Variants in FLNB observed in about 807,000 individuals in gnomAD.
FLNB encodes filamin B, also known as filamin-B.
Under a neutral mutation model 250.6 loss-of-function variants are expected in FLNB, and 111 were observed. That is an observed-to-expected ratio of 0.44 (90% confidence interval 0.38 to 0.52). FLNB has a LOEUF of 0.52. Ranked by LOEUF, FLNB falls within the 20% of genes least tolerant of loss-of-function variation. The pLI, the probability that FLNB is intolerant of heterozygous loss-of-function variation, is 0.00. For missense variants in FLNB, 2,869 were observed against 3,447.8 expected, an observed-to-expected ratio of 0.83 and a Z score of 4.20; for synonymous variants, 1,302 against 1,372.1, an observed-to-expected ratio of 0.95 and a Z score of 1.13.
chr3:58,076,964 A>C, intron 1 of FLNB, 82 bp from the exon 2 acceptor site: 1 of 1,451,584 alleles, frequency 6.9e-7, no homozygotes, highest in South Asian at 1.1e-5. Context: ...ATAGTTGAAG[A>C]CTCCATTTAC....
intron 21 of FLNB, 112 bp from the exon 22 acceptor site, chr3:58,124,220 A>C: frequency 9.2e-7 from 1 of 1,089,082 alleles, no homozygotes; most frequent in Non-Finnish European, 1.4e-6. Flanking sequence ...CCAGTTTTCC[A>C]GTTACTGAAA....
At chr3:58,145,773 G>T in intron 32 of FLNB, 148 bp from the exon 33 acceptor site, 1 of 878,160 alleles carries the variant, frequency 1.1e-6, no homozygotes, top group Non-Finnish European at 2.0e-6. Flanking sequence ...GGGATGGGAG[G>T]TGCATGTGCA....
chr3:58,097,829 T>C lies in FLNB; in HGVS notation c.999T>C (p.Phe333=). 1 of 1,614,118 alleles carries C rather than the reference T, an allele frequency of 6.2e-7. No individual in the cohort carries two copies. The highest frequency in any genetic ancestry group is 1.1e-5 in the South Asian group (1 of 91,072). The change falls in exon 7 of 46, where the codon TTT becomes TTC. Residue 333 remains phenylalanine, a synonymous_variant. Coordinates refer to ENST00000295956, the MANE Select transcript of FLNB (RefSeq NM_001457.4). ...GTCACCTATAGGTCACAGTCCTCTT[T>C]GCAGGACAGCACATCTCCAAGAGCC... The part of the protein sequence containing the change: ...VTGLHKVTVL[F]AGQHISKSPF...
intron 1 of FLNB, among the ~76,000 whole-genome samples, chr3:58,024,804 C>T (rs2097120827): frequency 6.7e-6 from 1 of 148,556 alleles, no homozygotes; most frequent in Non-Finnish European, 1.5e-5. Flanking sequence ...ACCTCCATCT[C>T]CCAGGTTCAA....
At chr3:58,116,023 A>T (rs760707121) in intron 18 of FLNB, among the ~76,000 whole-genome samples, 1 of 151,966 alleles carries the variant, frequency 6.6e-6, no homozygotes, top group Non-Finnish European at 1.5e-5. Flanking sequence ...GCCTGGCCCT[A>T]TAAGTGCTCT....
In FLNB at chr3:58,126,606, G is replaced by A. The variant is rs764743602; in HGVS notation, c.4066G>A (p.Ala1356Thr). ...TTTCTTTTCCACTCTTTCCAGAGGCGCAGGAATTGGTGGGCTTGGCATAAC... is the reference window on the plus strand; with the variant it reads ...TTTCTTTTCCACTCTTTCCAGAGGCACAGGAATTGGTGGGCTTGGCATAAC... The part of the protein sequence containing the change: ...PNVFTVVTRG[A>T]GIGGLGITVE... The change falls in exon 24 of 46, where the codon GCA becomes ACA. Residue 1356 changes from alanine to threonine, a missense_variant. Ala to Thr is a moderately conservative substitution (Grantham distance 58). Transcript: ENST00000295956. 83 of 1,613,692 alleles carry A rather than the reference G, an allele frequency of 5.1e-5. No homozygotes were observed. Among genetic ancestry groups the A allele is most frequent in the South Asian group, 6.6e-5 (6 of 91,072 alleles).
At position 58,138,623 on chromosome 3, in the gene FLNB, T is replaced by G. The variant is rs568371496; in HGVS notation, c.5109+94T>G. The stretch of plus-strand genomic sequence containing the variant: ...CCCTGACTAGGATATCCTCTTCACC[T>G]TTTTTTTCCTTTGGAAAAAAATTTG... On this transcript the variant is annotated intron_variant, in intron 29 of 45. Transcript: ENST00000295956. 5.4e-6 allele frequency: 8 copies of G among 1,478,100 alleles called. No individual in the cohort carries two copies. In the East Asian group the frequency reaches 1.1e-4, roughly 21 times the overall value. The allele number at this position is 1,478,100 out of a possible 1,614,324, so 91.6% of individuals were successfully genotyped here. A position where few individuals can be genotyped will look rare whatever the true frequency, so the allele number is the denominator to read the frequency against.
In FLNB at chr3:58,145,949, C is replaced by T. The variant is rs1064796797; in HGVS notation, c.5454C>T (p.Tyr1818=). The change falls in exon 33 of 46, where the codon TAC becomes TAT. Residue 1818 remains tyrosine, a synonymous_variant. Coordinates refer to ENST00000295956, the MANE Select transcript of FLNB (RefSeq NM_001457.4). ...PESPLQFYVN[Y]PNSGSVSAYG... Reference sequence around the variant, plus strand: ...GCCCACTCCAGTTCTACGTGAACTACCCCAACAGTGGAAGTGTTTCTGCAT... The same window carrying T: ...GCCCACTCCAGTTCTACGTGAACTATCCCAACAGTGGAAGTGTTTCTGCAT... 5 of 1,614,078 alleles carry T rather than the reference C, an allele frequency of 3.1e-6. No individual in the cohort carries two copies. The highest frequency in any genetic ancestry group is 4.2e-6 in the Non-Finnish European group (5 of 1,180,026).
chr3:58,152,663 A>C (rs1440812881), intron 38 of FLNB: 2 of 928,408 alleles, frequency 2.2e-6, no homozygotes, highest in South Asian at 3.0e-5. Context: ...AGTTCATTAC[A>C]TGGGTGACCC....
chr3:58,117,459 C>A (rs375463905), intron 18 of FLNB, among the ~76,000 whole-genome samples: 9 of 152,072 alleles, frequency 5.9e-5, no homozygotes, highest in Non-Finnish European at 1.2e-4. Context: ...AAACTTTATG[C>A]GGGTGAGGGA....
intron 4 of FLNB, among the ~76,000 whole-genome samples, chr3:58,092,878 A>T (rs2107029951): frequency 6.6e-6 from 1 of 152,322 alleles, no homozygotes; most frequent in South Asian, 2.1e-4. Context: ...TCTGTCCCCC[A>T]TACTGACAAG....
chr3:58,029,465 G>A (rs548636158), intron 1 of FLNB, among the ~76,000 whole-genome samples: 142 of 151,106 alleles, frequency 9.4e-4, no homozygotes, highest in Non-Finnish European at 1.2e-3. Flanking sequence ...CTTCTGTTGG[G>A]TTTTTTGGGA....
rs537556413 is a variant in FLNB at position 58,043,336 on chromosome 3, T to C, written c.293-33710T>C. Among the ~76,000 whole-genome samples, 29 of 152,118 alleles carry C rather than the reference T, an allele frequency of 1.9e-4. No homozygotes were observed. In the East Asian group the frequency reaches 5.6e-3, roughly 29 times the overall value. On this transcript the variant is annotated intron_variant, in intron 1 of 45. Coordinates refer to ENST00000295956, the MANE Select transcript of FLNB (RefSeq NM_001457.4). ...TTTTAATAGAGACAGGATTTCATCA[T>C]GTTGACCAGGCTGGTAATTTGGCAT...
At chr3:58,106,454 G>A (rs1182053889) in intron 11 of FLNB, among the ~76,000 whole-genome samples, 1 of 147,840 alleles carries the variant, frequency 6.8e-6, no homozygotes, top group African/African-American at 2.5e-5. Context: ...ACCACACCCA[G>A]CCCAGGCCTA....
At chr3:58,015,489 T>C (rs1442028755) in intron 1 of FLNB, among the ~76,000 whole-genome samples, 1 of 152,148 alleles carries the variant, frequency 6.6e-6, no homozygotes, top group African/African-American at 2.4e-5. Context: ...AACAAATATA[T>C]GAAAGCCCAT....
intron 41 of FLNB, among the ~76,000 whole-genome samples, chr3:58,157,549 C>T (rs894728186): frequency 6.6e-6 from 1 of 152,196 alleles, no homozygotes; most frequent in African/African-American, 2.4e-5. Flanking sequence ...AGGGTACTAA[C>T]TGGTTACTGT....
At chr3:58,079,376 C>T (rs1423429307) in intron 3 of FLNB, among the ~76,000 whole-genome samples, 4 of 151,992 alleles carry the variant, frequency 2.6e-5, no homozygotes, top group Non-Finnish European at 4.4e-5. Context: ...CCTCAGCCTC[C>T]TGAGTAGCTG....
Position 58,159,431 on chromosome 3 carries a change from A to G in FLNB, c.6889-123A>G, listed in dbSNP as rs368723318. On this transcript the variant is annotated intron_variant, in intron 41 of 45. Coordinates refer to ENST00000295956, the MANE Select transcript of FLNB (RefSeq NM_001457.4). ...AATGGCTCACCTGCCCTTTGTTGTCATATGTTATATAGAAAAACCTATTTG... is the reference window on the plus strand; with the variant it reads ...AATGGCTCACCTGCCCTTTGTTGTCGTATGTTATATAGAAAAACCTATTTG... 482 of 968,552 alleles carry G rather than the reference A, an allele frequency of 5.0e-4. 3 individuals are homozygous for G. Among genetic ancestry groups the G allele is most frequent in the South Asian group, 3.6e-3 (272 of 76,212 alleles). 60.0% of individuals were successfully genotyped at this position (968,552 alleles called of 1,614,324 possible). A position where few individuals can be genotyped will look rare whatever the true frequency, so the allele number is the denominator to read the frequency against.
At chr3:58,069,325 C>T (rs1000493003) in intron 1 of FLNB, among the ~76,000 whole-genome samples, 10 of 150,430 alleles carry the variant, frequency 6.6e-5, no homozygotes, top group Non-Finnish European at 1.0e-4. Context: ...CTGAGACCTC[C>T]GTCTCCCAGG....
Sources: gnomAD v4.1 joint callset for allele counts (sites outside exome capture counted in the v4.1 genomes callset) on GRCh38, gnomAD v4.1.1 for gene constraint, MANE v1.5 for transcripts, NCBI Gene and HGNC (gene_info 2026-07-23, HGNC 2026-07-21) for gene names.